The following SNX29 variants were observed in gnomAD, a reference collection of about 807,000 sequenced individuals.
SNX29 encodes the protein sorting nexin 29.
SNX29 carries 78 observed loss-of-function variants against 102.1 expected under a neutral mutation model. The ratio of observed to expected loss-of-function variants is 0.76; its 90% CI spans 0.64 to 0.92. The LOEUF (loss-of-function observed/expected upper bound fraction) is 0.92, where lower values mean the gene tolerates loss of function less well. Ranked by LOEUF, SNX29 falls within the 40% of genes least tolerant of loss-of-function variation. The pLI is 0.00. For synonymous variants in SNX29, 580 were observed against 414.5 expected (o/e 1.40, Z -4.85); for missense variants, 1,280 against 1,061.7 (o/e 1.21, Z -2.86).
intron 20 of SNX29, among the ~76,000 whole-genome samples, chr16:12,568,075 G>A (rs1598123050): frequency 6.6e-6 from 1 of 152,138 alleles, no homozygotes; most frequent in Admixed American, 6.5e-5. Context: ...TAATTCCACA[G>A]GAAGTCCGTC....
intron 15 of SNX29, among the ~76,000 whole-genome samples, chr16:12,303,725 A>G (rs904591988): frequency 1.3e-5 from 2 of 152,220 alleles, no homozygotes; most frequent in African/African-American, 4.8e-5. Flanking sequence ...TCCTATATGT[A>G]GATATGCATT....
chr16:12,047,302 T>C (rs552762831), intron 6 of SNX29, among the ~76,000 whole-genome samples: 1 of 152,362 alleles, frequency 6.6e-6, no homozygotes, highest in African/African-American at 2.4e-5. Flanking sequence ...TCAGCCGGAC[T>C]GAAGTGGGCA....
intron 20 of SNX29, among the ~76,000 whole-genome samples, chr16:12,565,145 T>C (rs1002664404): frequency 1.2e-4 from 19 of 152,200 alleles, no homozygotes; most frequent in African/African-American, 4.6e-4. Flanking sequence ...CCCCACTTCC[T>C]TTGCCAGTTT....
At chr16:12,342,838 G>GCA (rs1425509395) in intron 15 of SNX29, among the ~76,000 whole-genome samples, 6 of 152,136 alleles carry the variant, frequency 3.9e-5, no homozygotes, top group Admixed American at 2.0e-4. Context: ...TCACATTTGA[G>GCA]CACAGTCTTC....
intron 13 of SNX29, among the ~76,000 whole-genome samples, chr16:12,185,465 G>A (rs2076487686): frequency 6.6e-6 from 1 of 152,136 alleles, no homozygotes; most frequent in Non-Finnish European, 1.5e-5. Context: ...CCTCCTCTCT[G>A]TCTTCCTCCT....
At chr16:12,013,755 C>T (rs181412996) in intron 3 of SNX29, among the ~76,000 whole-genome samples, 146 of 151,248 alleles carry the variant, frequency 9.7e-4, no homozygotes, top group African/African-American at 3.5e-3. Context: ...AGTGATTCTC[C>T]TGTCTCAGCC....
At chr16:12,421,933 GTCCATCATCCA>G (rs1319274424) in intron 18 of SNX29, among the ~76,000 whole-genome samples, 1 of 62,600 alleles carries the variant, frequency 1.6e-5, no homozygotes, top group Non-Finnish European at 5.1e-5. Context: ...ATCATCATCC[GTCCATCATCCA>G]TCACCATCAT....
Position 12,569,265 on chromosome 16 carries a change from G to A in SNX29, c.*636G>A, listed in dbSNP as rs1260229169. 4 of 227,148 alleles carry A rather than the reference G, an allele frequency of 1.8e-5. No individual in the cohort carries two copies. The East Asian group carries it at 1.9e-4, about 11-fold the overall frequency. The allele number at this position is 227,148 out of a possible 1,614,324, so 14.1% of individuals were successfully genotyped here. A position where few individuals can be genotyped will look rare whatever the true frequency, so the allele number is the denominator to read the frequency against. ...AGGAGCCATTAGTGATGTGCAACTT[G>A]AGTTCAGAGAACTTCCCCTACCTCC... is the stretch of plus-strand genomic sequence containing the variant. On this transcript the variant is annotated 3_prime_UTR_variant, in exon 21 of 21. Coordinates refer to ENST00000566228, the MANE Select transcript of SNX29 (RefSeq NM_032167.5).
At chr16:12,445,521 C>T (rs1169230684) in intron 18 of SNX29, among the ~76,000 whole-genome samples, 1 of 152,174 alleles carries the variant, frequency 6.6e-6, no homozygotes, top group East Asian at 1.9e-4. Context: ...AGTAGGTGCT[C>T]AATACCTATG....
At chr16:12,307,351 A>G (rs2080369212) in intron 15 of SNX29, among the ~76,000 whole-genome samples, 1 of 152,202 alleles carries the variant, frequency 6.6e-6, no homozygotes, top group Non-Finnish European at 1.5e-5. Flanking sequence ...TTAAGGCCAC[A>G]GAGAGAACTG....
intron 20 of SNX29, among the ~76,000 whole-genome samples, chr16:12,557,867 C>T (rs560797023): frequency 1.3e-5 from 2 of 152,272 alleles, no homozygotes; most frequent in East Asian, 3.9e-4. Context: ...GCCATTCCAG[C>T]GAGTGGAGGA....
rs1208167535 is a variant in SNX29, at chr16:12,125,603, CTCTTTTTT to C, written c.1403-1028_1403-1021del. Among the ~76,000 whole-genome samples, 35 of 71,494 alleles carry C rather than the reference CTCTTTTTT, an allele frequency of 4.9e-4. 9 individuals are homozygous for C. Among genetic ancestry groups the C allele is most frequent in the African/African-American group, 1.9e-3 (35 of 18,862 alleles). 46.9% of individuals were successfully genotyped at this position (71,494 alleles called of 152,430 possible). On this transcript the variant is annotated intron_variant, in intron 11 of 20. Transcript: ENST00000566228. ...CAAGGGGGGCTTGTGGCTGAGATCT[CTCTTTTTT>C]TTTTTTTTTTTTTTTTTTTTTTTTT... is the stretch of plus-strand genomic sequence containing the variant.
chr16:12,505,546 G>A (rs1026971669), intron 19 of SNX29, among the ~76,000 whole-genome samples: 1 of 152,130 alleles, frequency 6.6e-6, no homozygotes, highest in Non-Finnish European at 1.5e-5. Context: ...GCAACATGAT[G>A]CTGTGGGATA....
At chr16:12,431,186 G>C (rs1337829834) in intron 18 of SNX29, among the ~76,000 whole-genome samples, 1 of 152,080 alleles carries the variant, frequency 6.6e-6, no homozygotes, top group African/African-American at 2.4e-5. Flanking sequence ...GGGAGTGAGT[G>C]GGGTGGGGGC....
At chr16:12,109,095 T>A (rs1165785147) in intron 11 of SNX29, among the ~76,000 whole-genome samples, 1 of 117,916 alleles carries the variant, frequency 8.5e-6, no homozygotes, top group Admixed American at 1.3e-4. Flanking sequence ...GCCATTGCAC[T>A]CCAGCCTGGG....
intron 16 of SNX29, among the ~76,000 whole-genome samples, chr16:12,377,222 A>T (rs375868761): frequency 6.6e-6 from 1 of 152,194 alleles, no homozygotes; most frequent in African/African-American, 2.4e-5. Flanking sequence ...ATATTAGTCA[A>T]CGTAGGTTCA....
intron 20 of SNX29, among the ~76,000 whole-genome samples, chr16:12,554,389 G>A (rs1169121159): frequency 6.6e-6 from 1 of 150,770 alleles, no homozygotes; most frequent in Non-Finnish European, 1.5e-5. Context: ...TGTGCCCCGT[G>A]CATGGGTGTG....
intron 20 of SNX29, among the ~76,000 whole-genome samples, chr16:12,552,833 C>G (rs748894385): frequency 2.0e-5 from 3 of 152,162 alleles, no homozygotes; most frequent in East Asian, 1.9e-4. Flanking sequence ...GACACCTGAC[C>G]TGCCAGAGAG....
At chr16:12,088,771 C>A (rs966210097) in intron 11 of SNX29, among the ~76,000 whole-genome samples, 4 of 151,964 alleles carry the variant, frequency 2.6e-5, no homozygotes, top group Non-Finnish European at 5.9e-5. Context: ...CATAGCAAGA[C>A]CCTTCCTCTA....
Sources: allele counts gnomAD v4.1 joint callset (sites outside exome capture counted in the v4.1 genomes callset), GRCh38; gene constraint gnomAD v4.1.1; transcripts MANE v1.5; gene names NCBI Gene and HGNC (gene_info 2026-07-23, HGNC 2026-07-21).